The following ADGRB3 variants were observed in gnomAD, a reference collection of about 807,000 sequenced individuals.
The protein encoded by ADGRB3 is brain-specific angiogenesis inhibitor 3.
ADGRB3 carries 37 observed loss-of-function variants against 193.4 expected under a neutral mutation model. The ratio of observed to expected loss-of-function variants is 0.19; its 90% CI spans 0.15 to 0.25. ADGRB3 has a LOEUF of 0.25. Ranked by LOEUF, ADGRB3 falls within the 10% of genes least tolerant of loss-of-function variation. ADGRB3 has a pLI of 1.00. For synonymous variants in ADGRB3, 690 were observed against 644.2 expected (o/e 1.07, Z -1.08); for missense variants, 1,637 against 1,852.9 (o/e 0.88, Z 2.14).
In ADGRB3 at chr6:69,262,922, C is replaced by T. The variant is rs1248681643; in HGVS notation, c.2814+23696C>T. 2.0e-5 allele frequency among the ~76,000 whole-genome samples: 3 copies of T among 151,852 alleles called. No homozygotes were observed. The East Asian group carries it at 5.8e-4, about 29-fold the overall frequency. On this transcript the variant is annotated intron_variant, in intron 20 of 31. Transcript: ENST00000370598. The stretch of plus-strand genomic sequence containing the variant: ...ATTCCCGTCCCATAAAGGAGGAGTA[C>T]TGTAGTGTGTTTGAGACCTTACATA...
chr6:68,827,362 G>A (rs1488583447), intron 3 of ADGRB3, among the ~76,000 whole-genome samples: 1 of 152,044 alleles, frequency 6.6e-6, no homozygotes, highest in Non-Finnish European at 1.5e-5. Flanking sequence ...TGGGAAGAAA[G>A]GAAGTGATTT....
intron 3 of ADGRB3, among the ~76,000 whole-genome samples, chr6:68,700,442 A>G (rs973414034): frequency 2.0e-5 from 3 of 152,102 alleles, no homozygotes; most frequent in African/African-American, 7.2e-5. Flanking sequence ...GCATTATCTG[A>G]TCATAGAAAA....
chr6:69,211,231 G>A (rs943597764), intron 17 of ADGRB3, among the ~76,000 whole-genome samples: 3 of 152,208 alleles, frequency 2.0e-5, no homozygotes, highest in Non-Finnish European at 4.4e-5. Context: ...TTTGCTGGAA[G>A]GAAGGTCGGC....
At chr6:69,142,472 T>G (rs1774366643) in intron 17 of ADGRB3, among the ~76,000 whole-genome samples, 2 of 152,160 alleles carry the variant, frequency 1.3e-5, no homozygotes. Context: ...AAGCATGAGG[T>G]CTTCCCTATA....
In ADGRB3 at chr6:69,116,249, A is replaced by T. The variant is rs145571670; in HGVS notation, c.2480+40211A>T. On this transcript the variant is annotated intron_variant, in intron 17 of 31. Transcript: ENST00000370598. Reference sequence around the variant, plus strand: ...TCAACTGCCTATAAATGTTAACCACATCTCCAAAACTCCTATACTACTGTT... The same window carrying T: ...TCAACTGCCTATAAATGTTAACCACTTCTCCAAAACTCCTATACTACTGTT... Among the ~76,000 whole-genome samples the T allele has an allele frequency of 1.6e-3, 250 of 152,306 alleles. 1 individual carries two copies. Among genetic ancestry groups the T allele is most frequent in the Non-Finnish European group, 2.6e-3 (178 of 68,016 alleles).
chr6:68,853,540 A>G (rs1175478369), intron 3 of ADGRB3, among the ~76,000 whole-genome samples: 2 of 152,092 alleles, frequency 1.3e-5, no homozygotes, highest in Non-Finnish European at 2.9e-5. Context: ...TATTGAGAAA[A>G]CAATTAGAAT....
intron 3 of ADGRB3, among the ~76,000 whole-genome samples, chr6:68,817,192 T>A (rs657393): frequency 0.48 from 71,225 of 149,678 alleles, 18,275 homozygotes; most frequent in African/African-American, 0.65. Flanking sequence ...AGAATGAATG[T>A]GTAGAAGAAA....
At chr6:68,696,783 C>T (rs1027472978) in intron 3 of ADGRB3, among the ~76,000 whole-genome samples, 2 of 151,950 alleles carry the variant, frequency 1.3e-5, no homozygotes, top group Non-Finnish European at 2.9e-5. Flanking sequence ...TTTTATATTA[C>T]AGGAGGTCAA....
chr6:68,746,031 G>A (rs1230423838), intron 3 of ADGRB3, among the ~76,000 whole-genome samples: 1 of 151,988 alleles, frequency 6.6e-6, no homozygotes, highest in Non-Finnish European at 1.5e-5. Context: ...TTTTCTCATG[G>A]ATGTATTTCT....
intron 17 of ADGRB3, among the ~76,000 whole-genome samples, chr6:69,170,455 A>T (rs578194769): frequency 6.6e-6 from 1 of 152,266 alleles, no homozygotes; most frequent in Admixed American, 6.5e-5. Flanking sequence ...CTTCTAGAAT[A>T]GGCCTATCTG....
At chr6:69,057,917 T>C (rs1294576034) in intron 15 of ADGRB3, among the ~76,000 whole-genome samples, 1 of 151,972 alleles carries the variant, frequency 6.6e-6, no homozygotes. Context: ...ATAGTATCTT[T>C]GTCTGATTTC....
At chr6:68,746,310 G>T (rs1242325880) in intron 3 of ADGRB3, among the ~76,000 whole-genome samples, 2 of 151,682 alleles carry the variant, frequency 1.3e-5, no homozygotes, top group African/African-American at 4.8e-5. Context: ...TAGGTGATTT[G>T]TATGTTTTCT....
intron 17 of ADGRB3, among the ~76,000 whole-genome samples, chr6:69,171,019 A>G (rs184270508): frequency 9.8e-5 from 15 of 152,322 alleles, no homozygotes; most frequent in African/African-American, 3.6e-4. Context: ...AAATTTAGTA[A>G]TTGTAACTCT....
intron 17 of ADGRB3, among the ~76,000 whole-genome samples, chr6:69,130,825 C>T (rs1430010218): frequency 2.0e-5 from 3 of 152,126 alleles, no homozygotes; most frequent in Non-Finnish European, 4.4e-5. Flanking sequence ...ATTATGCCCT[C>T]CTGGCATATG....
intron 17 of ADGRB3, among the ~76,000 whole-genome samples, chr6:69,164,428 G>A (rs754607669): frequency 1.3e-5 from 2 of 151,936 alleles, no homozygotes; most frequent in Non-Finnish European, 2.9e-5. Flanking sequence ...TAGAATCAGC[G>A]GTAAGCAGAT....
intron 17 of ADGRB3, among the ~76,000 whole-genome samples, chr6:69,152,111 T>C (rs1405718751): frequency 6.6e-6 from 1 of 152,230 alleles, no homozygotes; most frequent in East Asian, 1.9e-4. Flanking sequence ...CCAGTCTTAG[T>C]ATGTCTCTAT....
At chr6:69,386,127 C>G (rs1770064433) in intron 31 of ADGRB3, among the ~76,000 whole-genome samples, 1 of 152,026 alleles carries the variant, frequency 6.6e-6, no homozygotes, top group African/African-American at 2.4e-5. Context: ...TAATGTATTA[C>G]CCACTAATAG....
chr6:69,021,377 A>G (rs1370322402), intron 13 of ADGRB3, among the ~76,000 whole-genome samples: 1 of 151,902 alleles, frequency 6.6e-6, no homozygotes, highest in Non-Finnish European at 1.5e-5. Context: ...GAATGCCAAA[A>G]TGACCATGCA....
intron 11 of ADGRB3, among the ~76,000 whole-genome samples, chr6:69,010,748 C>G (rs1247155830): frequency 6.9e-6 from 1 of 145,388 alleles, no homozygotes; most frequent in African/African-American, 2.6e-5. Context: ...TCAAATCAGT[C>G]TAGGTCATGG....
Sources: allele counts gnomAD v4.1 joint callset (sites outside exome capture counted in the v4.1 genomes callset), GRCh38; gene constraint gnomAD v4.1.1; transcripts MANE v1.5; gene names NCBI Gene and HGNC (gene_info 2026-07-23, HGNC 2026-07-21).